Variants in MECOM observed in about 807,000 individuals in gnomAD.
MECOM encodes MDS1 and EVI1 complex locus.
Under a neutral mutation model 116.3 loss-of-function variants are expected in MECOM, and 13 were observed. The ratio of observed to expected loss-of-function variants is 0.11; its 90% CI spans 0.07 to 0.18. MECOM has a LOEUF of 0.18. Among genes scored for constraint, MECOM ranks in the 10% least tolerant of loss-of-function variants. The pLI, the probability that MECOM is intolerant of heterozygous loss-of-function variation, is 1.00. For synonymous variants in MECOM, 528 were observed against 535.2 expected (o/e 0.99, Z 0.19); for missense variants, 1,299 against 1,509.0 (o/e 0.86, Z 2.31).
At chr3:169,163,199 A>G (rs544699986) in intron 2 of MECOM, among the ~76,000 whole-genome samples, 10 of 152,314 alleles carry the variant, frequency 6.6e-5, no homozygotes, top group African/African-American at 2.2e-4. Context: ...GGCAAAAGAT[A>G]TCCATTCATT....
intron 1 of MECOM, among the ~76,000 whole-genome samples, chr3:169,516,237 C>T (rs1458103536): frequency 6.6e-6 from 1 of 152,130 alleles, no homozygotes; most frequent in Non-Finnish European, 1.5e-5. Context: ...GTTTAGGAGA[C>T]TCTGAGTAAG....
rs573784508 is a variant in MECOM at position 169,422,003 on chromosome 3, T to A, written c.38-40479A>T. ...ACAATCTTAAGAGAAACACGATTTA[T>A]GCTTCACTATATAATCATCTATATT... is the stretch of plus-strand genomic sequence containing the variant. On this transcript the variant is annotated intron_variant, in intron 1 of 16. Transcript: ENST00000651503. 3.3e-5 allele frequency among the ~76,000 whole-genome samples: 5 copies of A among 152,300 alleles called. No homozygotes were observed. In the South Asian group the frequency reaches 1.0e-3, roughly 32 times the overall value.
At chr3:169,098,795 T>C (rs1292575929) in intron 12 of MECOM, among the ~76,000 whole-genome samples, 1 of 152,132 alleles carries the variant, frequency 6.6e-6, no homozygotes, top group Non-Finnish European at 1.5e-5. Context: ...GTCTGAGTGC[T>C]GGGATTGTAG....
chr3:169,589,170 A>G (rs973638154), intron 1 of MECOM, among the ~76,000 whole-genome samples: 1 of 152,050 alleles, frequency 6.6e-6, no homozygotes, highest in Non-Finnish European at 1.5e-5. Context: ...TCCAAGTCTT[A>G]GGGAAAGAAA....
chr3:169,293,605 A>T (rs1577616258), intron 2 of MECOM, among the ~76,000 whole-genome samples: 1 of 152,246 alleles, frequency 6.6e-6, no homozygotes, highest in Non-Finnish European at 1.5e-5. Context: ...TGTGTGCTAC[A>T]ATTCCCCCTT....
At chr3:169,577,641 T>G (rs1764675818) in intron 1 of MECOM, among the ~76,000 whole-genome samples, 1 of 152,278 alleles carries the variant, frequency 6.6e-6, no homozygotes, top group African/African-American at 2.4e-5. Flanking sequence ...GATCCGACAG[T>G]GCCTAGAAGC....
At chr3:169,481,519 C>T (rs1430277124) in intron 1 of MECOM, among the ~76,000 whole-genome samples, 3 of 151,880 alleles carry the variant, frequency 2.0e-5, no homozygotes, top group Admixed American at 2.0e-4. Context: ...TGCCACTGCA[C>T]TCCAGCCTGG....
At chr3:169,224,430 T>G (rs1275482986) in intron 2 of MECOM, among the ~76,000 whole-genome samples, 1 of 152,122 alleles carries the variant, frequency 6.6e-6, no homozygotes, top group Non-Finnish European at 1.5e-5. Flanking sequence ...TTGAATGGCT[T>G]GAGGGGGATG....
intron 3 of MECOM, among the ~76,000 whole-genome samples, chr3:169,132,199 T>A (rs1734943164): frequency 6.6e-6 from 1 of 152,046 alleles, no homozygotes; most frequent in Non-Finnish European, 1.5e-5. Context: ...GTGGTGGGGG[T>A]GGTGCTTATT....
intron 2 of MECOM, chr3:169,146,205 G>GA (rs10662632): frequency 0.5 from 473,720 of 950,896 alleles, 46,815 homozygotes; most frequent in Non-Finnish European, 0.52. Context: ...ACAGCAAAAG[G>GA]AAAAAAAAAA....
intron 2 of MECOM, among the ~76,000 whole-genome samples, chr3:169,262,074 A>G (rs994323564): frequency 6.6e-6 from 1 of 152,200 alleles, no homozygotes; most frequent in Non-Finnish European, 1.5e-5. Flanking sequence ...GGAGCTTGGA[A>G]TAAACTAATG....
chr3:169,147,271 A>G (rs939744941), intron 2 of MECOM: 10 of 985,452 alleles, frequency 1.0e-5, no homozygotes, highest in Non-Finnish European at 1.2e-5. Flanking sequence ...AGGCGAGGGG[A>G]GCTCTATCCC....
At chr3:169,357,279 T>C (rs1727431797) in intron 2 of MECOM, among the ~76,000 whole-genome samples, 2 of 151,912 alleles carry the variant, frequency 1.3e-5, no homozygotes, top group South Asian at 4.1e-4. Context: ...AGCAATTTTA[T>C]CCTCAAAACT....
rs142015254 is a variant in MECOM, at chr3:169,325,571, A to G, written c.375+55616T>C. Among the ~76,000 whole-genome samples the G allele has an allele frequency of 4.8e-3, 732 of 152,332 alleles. 5 individuals carry two copies. Among genetic ancestry groups the G allele is most frequent in the African/African-American group, 0.016 (678 of 41,576 alleles). On this transcript the variant is annotated intron_variant, in intron 2 of 16. Transcript: ENST00000651503. Reference sequence around the variant, plus strand: ...ATTCTTAACTTAGACACTGTTGAAGAAGATGGAAAATTGAGTTCAATACTA... The same window carrying G: ...ATTCTTAACTTAGACACTGTTGAAGGAGATGGAAAATTGAGTTCAATACTA...
chr3:169,593,940 G>A (rs1766742496), intron 1 of MECOM, among the ~76,000 whole-genome samples: 1 of 152,058 alleles, frequency 6.6e-6, no homozygotes. Flanking sequence ...TCAACATAGT[G>A]AAACCTTGTC....
At chr3:169,660,941 G>C (rs911522641) in intron 1 of MECOM, among the ~76,000 whole-genome samples, 1 of 152,200 alleles carries the variant, frequency 6.6e-6, no homozygotes, top group South Asian at 2.1e-4. Flanking sequence ...GTAAAAGTTT[G>C]TAAGAGTTGA....
At chr3:169,124,404 G>C (rs1461393049) in intron 5 of MECOM, among the ~76,000 whole-genome samples, 6 of 152,170 alleles carry the variant, frequency 3.9e-5, no homozygotes, top group Admixed American at 3.9e-4. Context: ...CAGAGAGAAA[G>C]AGACTGCCCT....
chr3:169,132,390 G>T (rs552686836), intron 3 of MECOM, among the ~76,000 whole-genome samples: 1 of 151,636 alleles, frequency 6.6e-6, no homozygotes, highest in Non-Finnish European at 1.5e-5. Context: ...ACCTGTCCAG[G>T]GACCAGGTTT....
chr3:169,425,036 C>G (rs1421728630), intron 1 of MECOM, among the ~76,000 whole-genome samples: 2 of 151,852 alleles, frequency 1.3e-5, no homozygotes, highest in Admixed American at 6.6e-5. Flanking sequence ...AAGCCAGACC[C>G]AGATGTCCCA....
Sources: allele counts gnomAD v4.1 joint callset (sites outside exome capture counted in the v4.1 genomes callset), GRCh38; gene constraint gnomAD v4.1.1; transcripts MANE v1.5; gene names NCBI Gene and HGNC (gene_info 2026-07-23, HGNC 2026-07-21).